Variants in ACAN observed in about 807,000 individuals in gnomAD.
The protein encoded by ACAN is aggrecan.
A neutral mutation model predicts 169.1 loss-of-function variants in ACAN; 47 were observed. The observed-to-expected ratio is 0.28, with a 90% CI of 0.22 to 0.35. The LOEUF (loss-of-function observed/expected upper bound fraction) is 0.35, where lower values mean the gene tolerates loss of function less well. Among genes scored for constraint, ACAN ranks in the 10% least tolerant of loss-of-function variants. The probability of loss-of-function intolerance (pLI) is 1.00; values close to 1 mark genes in which losing one functional copy is unlikely to be tolerated. For missense variants in ACAN, 2,716 were observed against 2,759.9 expected (o/e 0.98, Z 0.36); for synonymous variants, 1,115 against 1,112.2 (o/e 1.00, Z -0.05).
At chr15:88,816,366 C>G (rs1325777906) in intron 1 of ACAN, among the ~76,000 whole-genome samples, 3 of 152,140 alleles carry the variant, frequency 2.0e-5, no homozygotes, top group Non-Finnish European at 2.9e-5. Flanking sequence ...AAGTCATTCT[C>G]TTGGGGGAGA....
Position 88,852,010 on chromosome 15 carries a change from C to T in ACAN, c.2243C>T (p.Pro748Leu), listed in dbSNP as rs781769779. The T allele has an allele frequency of 3.1e-6, 5 of 1,607,886 alleles. No homozygotes were observed. The highest frequency in any genetic ancestry group is 1.7e-5 in the Admixed American group (1 of 59,290). ...NQTEWEPAYTPVGTSPLPGIL... is the reference protein window; with the variant it reads ...NQTEWEPAYTLVGTSPLPGIL... Reference sequence around the variant, plus strand: ...ACAGAATGGGAACCAGCCTATACCCCAGTGGGCACATCCCCGCTGCCAGGT... The same window carrying T: ...ACAGAATGGGAACCAGCCTATACCCTAGTGGGCACATCCCCGCTGCCAGGT... Residue 748 changes from proline to leucine, a missense_variant, in exon 11 of 19, where the codon CCA becomes CTA. By Grantham distance (98) the Pro-to-Leu change is moderately conservative. This residue lies in a region of ACAN where 1,283 missense variants were observed against 1,281.5 expected (regional missense o/e 1.00). Transcript: ENST00000560601.
chr15:88,874,381 C>T lies in ACAN; in HGVS notation c.7631-24C>T, dbSNP rs375953842. The T allele has an allele frequency of 7.0e-6, 11 of 1,577,152 alleles. No individual in the cohort carries two copies. The highest frequency in any genetic ancestry group is 7.8e-6 in the Non-Finnish European group (9 of 1,159,648). On this transcript the variant is annotated intron_variant, in intron 18 of 18. Transcript: ENST00000560601. This position sits in a 1 kb window ranked among gnomAD's most constrained non-coding sequence, Gnocchi z 7.3. ...ACTTTCTTTCCAGGTCCACTGATAT[C>T]TTTCCATCTCCCTTTCGTCCTAGCC...
At position 88,871,220 on chromosome 15, in the gene ACAN, C is replaced by G. The variant is rs992391915; in HGVS notation, c.7061-162C>G. ...TGTGCAGAGGCTCCCAGGGACCAGACCAGTTTCCAACCTGAACTCCTCCAG... is the reference window on the plus strand; with the variant it reads ...TGTGCAGAGGCTCCCAGGGACCAGAGCAGTTTCCAACCTGAACTCCTCCAG... On this transcript the variant is annotated intron_variant, in intron 14 of 18. Coordinates refer to ENST00000560601, the MANE Select transcript of ACAN (RefSeq NM_001369268.1). The surrounding 1 kb of genome is among the most constrained non-coding windows in gnomAD (Gnocchi z 7.8). Among the ~76,000 whole-genome samples, 2 of 152,168 alleles carry G rather than the reference C, an allele frequency of 1.3e-5. No individual in the cohort carries two copies. Among genetic ancestry groups the G allele is most frequent in the African/African-American group, 2.4e-5 (1 of 41,442 alleles).
chr15:88,871,950 A>G lies in ACAN; in HGVS notation c.7220-53A>G. The G allele has an allele frequency of 6.0e-6, 9 of 1,488,362 alleles. No homozygotes were observed. The South Asian group carries it at 1.0e-4, about 17-fold the overall frequency. 92.2% of individuals were successfully genotyped at this position (1,488,362 alleles called of 1,614,324 possible). A position where few individuals can be genotyped will look rare whatever the true frequency, so the allele number is the denominator to read the frequency against. On this transcript the variant is annotated intron_variant, in intron 15 of 18. Coordinates refer to ENST00000560601, the MANE Select transcript of ACAN (RefSeq NM_001369268.1). The surrounding 1 kb of genome is among the most constrained non-coding windows in gnomAD (Gnocchi z 7.8). ...CTGCCTCCGTGAGCTCAAGTTTCTC[A>G]GACACCCTCAGGGTGTCCAGTGTGA...
At position 88,849,922 on chromosome 15, in the gene ACAN, T is replaced by G. The variant is rs769297425; in HGVS notation, c.2026+191T>G. ...CCAAGGCAAGGTCATCCTTCTAAAG[T>G]TCCCCAGAGACAAGTAGAGATAAAT... is the stretch of plus-strand genomic sequence containing the variant. On this transcript the variant is annotated intron_variant, in intron 10 of 18. Transcript: ENST00000560601. The surrounding 1 kb of genome is among the most constrained non-coding windows in gnomAD (Gnocchi z 5.1). 3 of 784,594 alleles carry G rather than the reference T, an allele frequency of 3.8e-6. No individual in the cohort carries two copies. Among genetic ancestry groups the G allele is most frequent in the African/African-American group, 1.7e-5 (1 of 58,632 alleles). The allele number at this position is 784,594 out of a possible 1,614,324, so 48.6% of individuals were successfully genotyped here. A position where few individuals can be genotyped will look rare whatever the true frequency, so the allele number is the denominator to read the frequency against.
chr15:88,808,042 G>A (rs186985434), intron 1 of ACAN, among the ~76,000 whole-genome samples: 1 of 151,822 alleles, frequency 6.6e-6, no homozygotes, highest in African/African-American at 2.4e-5. Flanking sequence ...GTATGTGGGG[G>A]CGGGGGTGCC....
intron 1 of ACAN, among the ~76,000 whole-genome samples, chr15:88,812,678 TTC>T (rs1895850207): frequency 6.6e-6 from 1 of 152,144 alleles, no homozygotes; most frequent in Admixed American, 6.6e-5. Context: ...TGGGAAGCTT[TTC>T]TTTTTGTGCC....
At chr15:88,821,318 CA>C (rs1394244447) in intron 1 of ACAN, among the ~76,000 whole-genome samples, 1 of 151,936 alleles carries the variant, frequency 6.6e-6, no homozygotes, top group Non-Finnish European at 1.5e-5. Flanking sequence ...GTTGTAGAGA[CA>C]GGGGGAAGGG....
Position 88,858,674 on chromosome 15 carries a change from G to A in ACAN, c.6089G>A (p.Gly2030Glu). 6.2e-7 allele frequency: 1 copy of A among 1,613,976 alleles called. No homozygotes were observed. Among genetic ancestry groups the A allele is most frequent in the Non-Finnish European group, 8.5e-7 (1 of 1,179,898 alleles). Reference protein sequence around the residue: ...VAMGTSGEASGLPEVTLITSE... With the variant: ...VAMGTSGEASELPEVTLITSE... ...ATGGGCACCAGTGGAGAGGCCTCAG[G>A]ACTTCCAGAAGTTACTTTAATCACT... Residue 2030 changes from glycine to glutamate, a missense_variant, in exon 12 of 19, where the codon GGA becomes GAA. Coordinates refer to ENST00000560601, the MANE Select transcript of ACAN (RefSeq NM_001369268.1). This position sits in a 1 kb window ranked among gnomAD's most constrained non-coding sequence, Gnocchi z 4.0.
At position 88,858,215 on chromosome 15, in the gene ACAN, A is replaced by G; in HGVS notation, c.5630A>G (p.Gln1877Arg). The change falls in exon 12 of 19, where the codon CAG becomes CGG. Residue 1877 changes from glutamine (Q) to arginine (R), a missense_variant. Gln to Arg is a conservative substitution (Grantham distance 43). This residue lies in a region of ACAN where 1,389 missense variants were observed against 1,363.7 expected (regional missense o/e 1.02). Coordinates refer to ENST00000560601, the MANE Select transcript of ACAN (RefSeq NM_001369268.1). The surrounding 1 kb of genome is among the most constrained non-coding windows in gnomAD (Gnocchi z 4.0). Reference protein sequence around the residue: ...GKSGMVDVSGQFSGTVDSSGF... With the variant: ...GKSGMVDVSGRFSGTVDSSGF... ...TCTGGGATGGTGGATGTCAGTGGAC[A>G]GTTTTCTGGAACAGTCGATTCCAGT... is the stretch of plus-strand genomic sequence containing the variant. 2 of 1,613,940 alleles carry G rather than the reference A, an allele frequency of 1.2e-6. No homozygotes were observed. Among genetic ancestry groups the G allele is most frequent in the Non-Finnish European group, 1.7e-6 (2 of 1,179,886 alleles).
In ACAN at chr15:88,847,171, C is replaced by G. The variant is rs879046369; in HGVS notation, c.1430-72C>G. 9.5e-5 allele frequency: 135 copies of G among 1,424,694 alleles called. 2 individuals carry two copies. The South Asian group carries it at 1.9e-3, about 20-fold the overall frequency. The allele number at this position is 1,424,694 out of a possible 1,614,324, so 88.3% of individuals were successfully genotyped here. On this transcript the variant is annotated intron_variant, in intron 7 of 18. Coordinates refer to ENST00000560601, the MANE Select transcript of ACAN (RefSeq NM_001369268.1). ...TCAGGCAGCAGGAGTTGGCCCCCCT[C>G]TGTGCCCATGGAGCCTTGGAAGCTG...
rs1896599410 is a variant in ACAN at position 88,839,704 on chromosome 15, T to G, written c.455-308T>G. ...TGTTTCTCTTAATGCAATATGGGGG[T>G]CTTGGAGTGATAAGAAAAAATTATA... On this transcript the variant is annotated intron_variant, in intron 3 of 18. Transcript: ENST00000560601. This position sits in a 1 kb window ranked among gnomAD's most constrained non-coding sequence, Gnocchi z 4.5. 6.6e-6 allele frequency among the ~76,000 whole-genome samples: 1 copy of G among 152,018 alleles called. No individual in the cohort carries two copies. The highest frequency in any genetic ancestry group is 2.4e-5 in the African/African-American group (1 of 41,340).
At position 88,838,870 on chromosome 15, in the gene ACAN, G is replaced by A. The variant is rs376202313; in HGVS notation, c.278G>A (p.Arg93His). 1.7e-5 allele frequency: 27 copies of A among 1,614,036 alleles called. No homozygotes were observed. The highest frequency in any genetic ancestry group is 5.5e-5 in the South Asian group (5 of 91,088). The change falls in exon 3 of 19, where the codon CGC (arginine) becomes CAC (histidine). Residue 93 changes from arginine (R) to histidine (H), a missense_variant. By Grantham distance (29) the Arg-to-His change is conservative. Coordinates refer to ENST00000560601, the MANE Select transcript of ACAN (RefSeq NM_001369268.1). The surrounding 1 kb of genome is among the most constrained non-coding windows in gnomAD (Gnocchi z 5.1). ...EVVLLVATEG[R>H]VRVNSAYQDK... ...GTGCTGCTGGTGGCCACTGAAGGGCGCGTGCGGGTCAACAGTGCCTATCAG... is the reference window on the plus strand; with the variant it reads ...GTGCTGCTGGTGGCCACTGAAGGGCACGTGCGGGTCAACAGTGCCTATCAG...
chr15:88,803,654 A>C lies in ACAN; in HGVS notation c.-163A>C, dbSNP rs1460066991. On this transcript the variant is annotated 5_prime_UTR_variant, in exon 1 of 19. Transcript: ENST00000560601. Reference sequence around the variant, plus strand: ...GGCCACAGCCCGAGGGGACCTGCGGACAGGACGCCGGCAGGAGGAGGGGTG... The same window carrying C: ...GGCCACAGCCCGAGGGGACCTGCGGCCAGGACGCCGGCAGGAGGAGGGGTG... The C allele has an allele frequency of 6.6e-6, 1 of 151,880 alleles. No homozygotes were observed. The highest frequency in any genetic ancestry group is 2.4e-5 in the African/African-American group (1 of 41,312). 9.4% of individuals were successfully genotyped at this position (151,880 alleles called of 1,614,324 possible). A position where few individuals can be genotyped will look rare whatever the true frequency, so the allele number is the denominator to read the frequency against.
At position 88,872,007 on chromosome 15, in the gene ACAN, T is replaced by C. The variant is rs375863291; in HGVS notation, c.7224T>C (p.Asn2408=). 211 of 1,613,740 alleles carry C rather than the reference T, an allele frequency of 1.3e-4. 1 individual carries two copies. In the African/African-American group the frequency reaches 2.5e-3, roughly 19 times the overall value. ...TPEEQEFVNN[N]AQDYQWIGLN... is the part of the protein sequence containing the mutation. Reference sequence around the variant, plus strand: ...ACACCCTCACCCTTTCCCCAGACAATGCCCAAGACTACCAGTGGATCGGCC... The same window carrying C: ...ACACCCTCACCCTTTCCCCAGACAACGCCCAAGACTACCAGTGGATCGGCC... The change falls in exon 16 of 19, where the codon AAT becomes AAC. Residue 2408 remains asparagine, a synonymous_variant. Coordinates refer to ENST00000560601, the MANE Select transcript of ACAN (RefSeq NM_001369268.1). The surrounding 1 kb of genome is among the most constrained non-coding windows in gnomAD (Gnocchi z 5.4).
At chr15:88,844,943 G>C (rs1896757009) in intron 6 of ACAN, among the ~76,000 whole-genome samples, 1 of 152,046 alleles carries the variant, frequency 6.6e-6, no homozygotes, top group South Asian at 2.1e-4. Flanking sequence ...TTAATAGCTG[G>C]GATTTCCCCC....
At chr15:88,822,303 C>A (rs182804132) in intron 1 of ACAN, among the ~76,000 whole-genome samples, 33 of 152,310 alleles carry the variant, frequency 2.2e-4, no homozygotes, top group Admixed American at 3.3e-4. Context: ...AAGGGCCCAA[C>A]CTTTCTTCGG....
intron 1 of ACAN, among the ~76,000 whole-genome samples, chr15:88,825,873 G>A (rs11854545): frequency 0.05 from 7,672 of 152,252 alleles, 608 homozygotes; most frequent in African/African-American, 0.17. Context: ...GGCAAACCAA[G>A]GCCAGCTCTG....
intron 6 of ACAN, among the ~76,000 whole-genome samples, chr15:88,844,006 G>A (rs901050603): frequency 8.5e-5 from 13 of 152,150 alleles, no homozygotes; most frequent in Admixed American, 3.9e-4. Flanking sequence ...GTGAGGAGAT[G>A]GGGTGCCCGC....
Sources: gnomAD v4.1 joint callset for allele counts (sites outside exome capture counted in the v4.1 genomes callset) on GRCh38, gnomAD v4.1.1 for gene constraint, gnomAD v4.1.1 regional missense constraint, Gnocchi (gnomAD v3.1) non-coding constraint, MANE v1.5 for transcripts, NCBI Gene and HGNC (gene_info 2026-07-23, HGNC 2026-07-21) for gene names.